RBP5: variants seen among roughly 807,000 people sequenced by gnomAD.
The protein encoded by RBP5 is retinol binding protein 5.
Under a neutral mutation model 17.8 loss-of-function variants are expected in RBP5, and 12 were observed. That is an observed-to-expected ratio of 0.67 (90% CI 0.43 to 1.09). The LOEUF is 1.09. Ranked by LOEUF, RBP5 falls within the 50% of genes least tolerant of loss-of-function variation. RBP5 has a pLI of 0.00. For synonymous variants in RBP5, 64 were observed against 68.1 expected (o/e 0.94, Z 0.30); for missense variants, 172 against 169.4 (o/e 1.02, Z -0.09).
rs370434048 is a variant in RBP5 at position 7,128,806 on chromosome 12, G to A, written c.-31C>T. On this transcript the variant is annotated 5_prime_UTR_variant, in exon 1 of 4. Transcript: ENST00000266560. This position sits in a 1 kb window ranked among gnomAD's most constrained non-coding sequence, Gnocchi z 5.3. ...GGATGAAGGTTTCAGGAGAATGCAG[G>A]AGACAGGGTGAGGAAGGAGGGGGTG... The A allele has an allele frequency of 2.6e-6, 4 of 1,535,910 alleles. No homozygotes were observed. Among genetic ancestry groups the A allele is most frequent in the African/African-American group, 2.7e-5 (2 of 73,340 alleles).
At chr12:7,122,486 TG>T (rs1939094734), downstream of RBP5, 1 of 152,130 alleles carries the variant, frequency 6.6e-6, no homozygotes, top group Non-Finnish European at 1.5e-5. Context: ...TGTCAACCTT[TG>T]GGGGAAAAAT....
chr12:7,128,496 T>C lies in RBP5; in HGVS notation c.74-78A>G. ...TGCCTGCAGCAGCCCCTCAGGGCTG[T>C]GAGTTTCCCTTCTTTGGGTCTGGGA... On this transcript the variant is annotated intron_variant, in intron 1 of 3. Transcript: ENST00000266560. This position sits in a 1 kb window ranked among gnomAD's most constrained non-coding sequence, Gnocchi z 5.3. 2.1e-6 allele frequency: 3 copies of C among 1,454,414 alleles called. No individual in the cohort carries two copies. In the South Asian group the frequency reaches 3.6e-5, roughly 17 times the overall value. The allele number at this position is 1,454,414 out of a possible 1,614,324, so 90.1% of individuals were successfully genotyped here. A position where few individuals can be genotyped will look rare whatever the true frequency, so the allele number is the denominator to read the frequency against.
Position 7,124,314 on chromosome 12 carries a change from T to C in RBP5, c.355-140A>G. On this transcript the variant is annotated intron_variant, in intron 3 of 3. Coordinates refer to ENST00000266560, the MANE Select transcript of RBP5 (RefSeq NM_031491.4). This position sits in a 1 kb window ranked among gnomAD's most constrained non-coding sequence, Gnocchi z 5.3. Reference sequence around the variant, plus strand: ...TTTGATGTATGGGCAATTGTATCATTATTCCACATCCTCAACTTTCCACCC... The same window carrying C: ...TTTGATGTATGGGCAATTGTATCATCATTCCACATCCTCAACTTTCCACCC... The C allele has an allele frequency of 1.3e-6, 1 of 754,692 alleles. No homozygotes were observed. The allele number at this position is 754,692 out of a possible 1,614,324, so 46.7% of individuals were successfully genotyped here.
Position 7,124,570 on chromosome 12 carries a change from AG to A in RBP5, c.354+58del. 1 of 944,614 alleles carries A rather than the reference AG, an allele frequency of 1.1e-6. No individual in the cohort carries two copies. The highest frequency in any genetic ancestry group is 1.7e-6 in the Non-Finnish European group (1 of 580,628). The allele number at this position is 944,614 out of a possible 1,614,324, so 58.5% of individuals were successfully genotyped here. ...GTGGTGGACCTATCTGGTTTGGACA[AG>A]GGGATGCCTTATAGCTGGAGGCCCT... is the stretch of plus-strand genomic sequence containing the variant. On this transcript the variant is annotated intron_variant, in intron 3 of 3. Coordinates refer to ENST00000266560, the MANE Select transcript of RBP5 (RefSeq NM_031491.4). This position sits in a 1 kb window ranked among gnomAD's most constrained non-coding sequence, Gnocchi z 5.3.
In RBP5 at chr12:7,124,053, C is replaced by T; in HGVS notation, c.*68G>A. On this transcript the variant is annotated 3_prime_UTR_variant, in exon 4 of 4. Transcript: ENST00000266560. This position sits in a 1 kb window ranked among gnomAD's most constrained non-coding sequence, Gnocchi z 5.3. ...GACAGCTGACCTGGCACAATCTGGG[C>T]TTGAAGGGGGCACAACAAGAGCGTC... The T allele has an allele frequency of 6.7e-7, 1 of 1,497,878 alleles. No homozygotes were observed. Among genetic ancestry groups the T allele is most frequent in the Non-Finnish European group, 9.3e-7 (1 of 1,074,388 alleles). 92.8% of individuals were successfully genotyped at this position (1,497,878 alleles called of 1,614,324 possible).
chr12:7,127,779 G>A, intron 2 of RBP5: 2 of 695,242 alleles, frequency 2.9e-6, no homozygotes, highest in East Asian at 2.7e-5. Flanking sequence ...AGACAAAAGG[G>A]AGAAGACATT....
intron 2 of RBP5, among the ~76,000 whole-genome samples, chr12:7,125,957 G>A (rs2135783194): frequency 6.6e-6 from 1 of 152,102 alleles, no homozygotes. Context: ...AACCAGCTGG[G>A]TGCAGTGGCT....
In RBP5 at chr12:7,123,714, A is replaced by C. The variant is rs1057011097; in HGVS notation, c.*407T>G. 2 of 170,744 alleles carry C rather than the reference A, an allele frequency of 1.2e-5. No individual in the cohort carries two copies. The highest frequency in any genetic ancestry group is 4.8e-5 in the African/African-American group (2 of 42,104). The allele number at this position is 170,744 out of a possible 1,614,324, so 10.6% of individuals were successfully genotyped here. ...CAGTAGCCCCTGTTTAAACTCTTGA[A>C]CCCCAGTCACAGTTTTCCAGAAGTC... On this transcript the variant is annotated 3_prime_UTR_variant, in exon 4 of 4. Transcript: ENST00000266560.
At chr12:7,116,954 T>A (rs1939013220) in exon 4 of RBP5, 1 of 152,244 alleles carries the variant, frequency 6.6e-6, no homozygotes, top group Non-Finnish European at 1.5e-5. Context: ...ATGTACTATT[T>A]CACACAGTTT....
chr12:7,128,952 C>A, upstream of RBP5: 1 of 617,454 alleles, frequency 1.6e-6, no homozygotes, highest in South Asian at 1.8e-5. The surrounding 1 kb of genome is among the most constrained non-coding windows in gnomAD (Gnocchi z 5.3). Context: ...AGAGTCCCTA[C>A]CAGACTTCTT....
upstream of RBP5, chr12:7,129,741 C>T: frequency 1.0e-6 from 1 of 985,628 alleles, no homozygotes; most frequent in African/African-American, 1.7e-5. This position sits in a 1 kb window ranked among gnomAD's most constrained non-coding sequence, Gnocchi z 5.5. Context: ...TCAGAATCCA[C>T]TGGGCTTGGT....
In RBP5 at chr12:7,128,834, G is replaced by A. The variant is rs1055074248; in HGVS notation, c.-59C>T. The A allele has an allele frequency of 3.0e-6, 4 of 1,346,714 alleles. No homozygotes were observed. The highest frequency in any genetic ancestry group is 1.4e-5 in the African/African-American group (1 of 68,986). The allele number at this position is 1,346,714 out of a possible 1,614,324, so 83.4% of individuals were successfully genotyped here. On this transcript the variant is annotated 5_prime_UTR_variant, in exon 1 of 4. Transcript: ENST00000266560. The surrounding 1 kb of genome is among the most constrained non-coding windows in gnomAD (Gnocchi z 5.3). The stretch of plus-strand genomic sequence containing the variant: ...ACAGGGTGAGGAAGGAGGGGGTGTT[G>A]TCTGGCAGGTGAGGCTGAGAGATTC...
At chr12:7,121,014 C>G (rs957215495), downstream of RBP5, 2 of 135,772 alleles carry the variant, frequency 1.5e-5, no homozygotes, top group African/African-American at 5.5e-5. Flanking sequence ...GGCGGCAGAG[C>G]AAGATTCTGT....
In RBP5 at chr12:7,117,315, G is replaced by A. The variant is rs921880007; in HGVS notation, n.890-8C>T. The A allele has an allele frequency of 2.0e-5, 3 of 152,204 alleles. No homozygotes were observed. The highest frequency in any genetic ancestry group is 7.2e-5 in the African/African-American group (3 of 41,434). 9.4% of individuals were successfully genotyped at this position (152,204 alleles called of 1,614,324 possible). ...ATTGGTCACACAGACAACCCGATGTGGAAGGAGACATCACAAGGACAGGAA... is the reference window on the plus strand; with the variant it reads ...ATTGGTCACACAGACAACCCGATGTAGAAGGAGACATCACAAGGACAGGAA... On this transcript the variant is annotated splice_polypyrimidine_tract_variant and splice_region_variant and intron_variant and non_coding_transcript_variant, in intron 3 of 3. Transcript: ENST00000619522. This position sits in a 1 kb window ranked among gnomAD's most constrained non-coding sequence, Gnocchi z 4.9.
rs1438987799 is a variant in RBP5, at chr12:7,117,307, C to T, written n.890G>A. Reference sequence around the variant, plus strand: ...CTTATTCCATTGGTCACACAGACAACCCGATGTGGAAGGAGACATCACAAG... The same window carrying T: ...CTTATTCCATTGGTCACACAGACAATCCGATGTGGAAGGAGACATCACAAG... On this transcript the variant is annotated splice_region_variant and non_coding_transcript_exon_variant, in exon 4 of 4. Coordinates refer to the RBP5 transcript ENST00000619522. This position sits in a 1 kb window ranked among gnomAD's most constrained non-coding sequence, Gnocchi z 4.9. The T allele has an allele frequency of 1.3e-5, 2 of 152,140 alleles. No individual in the cohort carries two copies. The highest frequency in any genetic ancestry group is 4.8e-5 in the African/African-American group (2 of 41,400). 9.4% of individuals were successfully genotyped at this position (152,140 alleles called of 1,614,324 possible).
At chr12:7,122,662 A>G (rs1939097188), downstream of RBP5, among the ~76,000 whole-genome samples, 2 of 152,142 alleles carry the variant, frequency 1.3e-5, no homozygotes, top group Admixed American at 6.5e-5. Flanking sequence ...GAGCAAGGAC[A>G]CTGTGTTGAT....
At chr12:7,125,883 A>T (rs1277826221) in intron 2 of RBP5, among the ~76,000 whole-genome samples, 1 of 152,144 alleles carries the variant, frequency 6.6e-6, no homozygotes, top group Non-Finnish European at 1.5e-5. Flanking sequence ...TGACATGATC[A>T]CATTTATGTT....
At chr12:7,127,371 C>T (rs763254849) in intron 2 of RBP5, 62 of 297,946 alleles carry the variant, frequency 2.1e-4, no homozygotes, top group Non-Finnish European at 3.4e-4. Flanking sequence ...CTCAAGTGAT[C>T]TGCCTGCCTC....
At chr12:7,125,477 C>G (rs1449840082) in intron 2 of RBP5, among the ~76,000 whole-genome samples, 1 of 152,216 alleles carries the variant, frequency 6.6e-6, no homozygotes, top group African/African-American at 2.4e-5. Flanking sequence ...GGGTCAGCCC[C>G]TCTGGGCCTG....
Sources: allele counts gnomAD v4.1 joint callset (sites outside exome capture counted in the v4.1 genomes callset), GRCh38; gene constraint gnomAD v4.1.1; non-coding constraint Gnocchi (gnomAD v3.1); transcripts MANE v1.5; gene names NCBI Gene and HGNC (gene_info 2026-07-23, HGNC 2026-07-21).